The following HAPSTR1 variants were observed in gnomAD, a reference collection of about 807,000 sequenced individuals.
HAPSTR1 encodes the protein HUWE1-associated protein modifying stress responses 1.
the HAPSTR1 span, among the ~76,000 whole-genome samples, chr16:9,102,103 C>T: frequency 6.6e-6 from 1 of 152,116 alleles, no homozygotes; most frequent in Middle Eastern, 3.2e-3. Context: ...CAGAGAGACT[C>T]CGTCTCAAAA....
At chr16:9,100,764 A>G in the HAPSTR1 span, among the ~76,000 whole-genome samples, 1 of 151,998 alleles carries the variant, frequency 6.6e-6, no homozygotes, top group Admixed American at 6.6e-5. Flanking sequence ...CGAACTCCTG[A>G]CTTCAGGTGA....
the HAPSTR1 span, among the ~76,000 whole-genome samples, chr16:9,099,368 T>G: frequency 2.0e-5 from 3 of 152,098 alleles, no homozygotes; most frequent in African/African-American, 7.2e-5. Flanking sequence ...TGGCTAATTT[T>G]TATATTTTGA....
At chr16:9,098,579 GA>G in the HAPSTR1 span, among the ~76,000 whole-genome samples, 2 of 152,170 alleles carry the variant, frequency 1.3e-5, no homozygotes, top group Non-Finnish European at 2.9e-5. Flanking sequence ...ACTTGAGGCT[GA>G]GGGGAGAGGT....
At chr16:9,120,739 A>G in the HAPSTR1 span, 3 of 134,952 alleles carry the variant, frequency 2.2e-5, no homozygotes, top group African/African-American at 8.8e-5. Context: ...GTGCAGTGGC[A>G]CGATCTTGGC....
At chr16:9,110,470 A>G in the HAPSTR1 span, 25 of 152,140 alleles carry the variant, frequency 1.6e-4, no homozygotes, top group African/African-American at 6.0e-4. Context: ...CCAAGTGCAG[A>G]TTTTTGTACC....
At chr16:9,105,923 A>G in the HAPSTR1 span, 1 of 152,118 alleles carries the variant, frequency 6.6e-6, no homozygotes, top group Admixed American at 6.5e-5. Context: ...CCCCTTCCTT[A>G]CCCCTACCCC....
chr16:9,094,702 G>C, the HAPSTR1 span, among the ~76,000 whole-genome samples: 2 of 152,138 alleles, frequency 1.3e-5, no homozygotes, highest in Non-Finnish European at 2.9e-5. Flanking sequence ...CCTTTTGATT[G>C]GCTAGTATTA....
chr16:9,091,651 C>G, the HAPSTR1 span: 92 of 398,286 alleles, frequency 2.3e-4, no homozygotes, highest in Non-Finnish European at 3.5e-4. Context: ...GTTGCTCAGT[C>G]TTGGGGTGGG....
the HAPSTR1 span, chr16:9,120,964 G>C: frequency 6.6e-6 from 1 of 152,156 alleles, no homozygotes; most frequent in Non-Finnish European, 1.5e-5. Context: ...TAGTAATGCA[G>C]CAGTGGAGTG....
the HAPSTR1 span, chr16:9,107,649 G>C: frequency 6.6e-6 from 1 of 152,210 alleles, no homozygotes; most frequent in Non-Finnish European, 1.5e-5. Flanking sequence ...TTAACCATTG[G>C]TTAGGTATCC....
the HAPSTR1 span, chr16:9,120,336 C>T: frequency 6.6e-6 from 1 of 152,184 alleles, no homozygotes; most frequent in Non-Finnish European, 1.5e-5. Flanking sequence ...TTCTAGCCTC[C>T]CTTTGGAATA....
chr16:9,096,549 G>C, the HAPSTR1 span, among the ~76,000 whole-genome samples: 3 of 152,142 alleles, frequency 2.0e-5, no homozygotes, highest in Non-Finnish European at 4.4e-5. Flanking sequence ...CACTAAAGGA[G>C]AACTGAGCAT....
At chr16:9,101,147 T>C in the HAPSTR1 span, among the ~76,000 whole-genome samples, 1 of 152,348 alleles carries the variant, frequency 6.6e-6, no homozygotes, top group Non-Finnish European at 1.5e-5. Flanking sequence ...CCTCCAGCTC[T>C]TTCAGAATCA....
chr16:9,091,905 G>A, the HAPSTR1 span: 1 of 649,132 alleles, frequency 1.5e-6, no homozygotes, highest in Non-Finnish European at 2.3e-6. Context: ...GGGTGCAGGA[G>A]GCCTGGGCCG....
the HAPSTR1 span, chr16:9,108,305 T>C: frequency 2.0e-5 from 3 of 151,744 alleles, no homozygotes; most frequent in Non-Finnish European, 4.4e-5. Context: ...AAAATGCAAA[T>C]TTTTTTTTAA....
the HAPSTR1 span, chr16:9,104,189 A>T: frequency 1.4e-5 from 2 of 146,860 alleles, no homozygotes; most frequent in Admixed American, 1.4e-4. Flanking sequence ...ATATTGGCTC[A>T]CCGCGACCTC....
the HAPSTR1 span, chr16:9,108,861 C>T: frequency 7.2e-5 from 11 of 152,122 alleles, no homozygotes; most frequent in African/African-American, 2.7e-4. Flanking sequence ...AATGAGAACC[C>T]AGGCAGGTTA....
chr16:9,102,155 G>GA, the HAPSTR1 span, among the ~76,000 whole-genome samples: 1 of 152,180 alleles, frequency 6.6e-6, no homozygotes, highest in African/African-American at 2.4e-5. Flanking sequence ...AAAAGTAATA[G>GA]AGAAATGTAC....
the HAPSTR1 span, among the ~76,000 whole-genome samples, chr16:9,115,902 G>C: frequency 6.6e-6 from 1 of 152,148 alleles, no homozygotes; most frequent in Non-Finnish European, 1.5e-5. Context: ...GAGCCACTGC[G>C]CCTGGCCTTG....
Sources: gnomAD v4.1 joint callset for allele counts (sites outside exome capture counted in the v4.1 genomes callset) on GRCh38, gnomAD v4.1.1 for gene constraint, MANE v1.5 for transcripts, NCBI Gene and HGNC (gene_info 2026-07-23, HGNC 2026-07-21) for gene names.